SIRT7: variants seen among roughly 807,000 people sequenced by gnomAD.
SIRT7 encodes the protein sirtuin 7, also known as NAD-dependent protein deacetylase sirtuin-7.
Under a neutral mutation model 42.8 loss-of-function variants are expected in SIRT7, and 32 were observed. The observed-to-expected ratio is 0.75, with a 90% CI of 0.56 to 1.00. The LOEUF (loss-of-function observed/expected upper bound fraction) is 1.00, where lower values mean the gene tolerates loss of function less well. Among genes scored for constraint, SIRT7 ranks in the 50% least tolerant of loss-of-function variants. The pLI is 0.00. For missense variants in SIRT7, 553 were observed against 572.2 expected (o/e 0.97, Z 0.34); for synonymous variants, 297 against 245.2 (o/e 1.21, Z -1.97).
chr17:81,912,225 G>C lies in SIRT7; in HGVS notation c.*191C>G. 1.5e-6 allele frequency: 1 copy of C among 675,346 alleles called. No individual in the cohort carries two copies. Among genetic ancestry groups the C allele is most frequent in the Non-Finnish European group, 2.5e-6 (1 of 398,534 alleles). 41.8% of individuals were successfully genotyped at this position (675,346 alleles called of 1,614,324 possible). ...AGAGGCCGGATGGGCAGGTGTCCTC[G>C]ATGGCCAGGCCGTATCAGGGTACAA... On this transcript the variant is annotated 3_prime_UTR_variant, in exon 10 of 10. Transcript: ENST00000328666.
rs779247678 is a variant in SIRT7, at chr17:81,914,402, A to C, written c.708T>G (p.Ile236Met). The C allele has an allele frequency of 6.2e-7, 1 of 1,613,136 alleles. No homozygotes were observed. The highest frequency in any genetic ancestry group is 8.5e-7 in the Non-Finnish European group (1 of 1,179,990). The stretch of plus-strand genomic sequence containing the variant: ...ACGTCCCCCTCTCCCCAAAGTGCAC[A>C]ATGGTGTCCCGCAGCTGGGTCCCAC... ...HKCGTQLRDT[I>M]VHFGERGTLG... The change falls in exon 7 of 10, where the codon ATT (isoleucine) becomes ATG (methionine). Residue 236 changes from isoleucine to methionine, a missense_variant. By Grantham distance (10) the Ile-to-Met change is conservative. Coordinates refer to ENST00000328666, the MANE Select transcript of SIRT7 (RefSeq NM_016538.3).
In SIRT7 at chr17:81,918,083, C is replaced by G. The variant is rs747829799; in HGVS notation, c.49G>C (p.Val17Leu). 9 of 1,550,810 alleles carry G rather than the reference C, an allele frequency of 5.8e-6. No homozygotes were observed. The African/African-American group carries it at 8.5e-5, about 15-fold the overall frequency. The change falls in exon 1 of 10, where the codon GTC (valine) becomes CTC (leucine). Residue 17 changes from valine (V) to leucine (L), a missense_variant. By Grantham distance (32) the Val-to-Leu change is conservative. Coordinates refer to ENST00000328666, the MANE Select transcript of SIRT7 (RefSeq NM_016538.3). ...TGCTGCTCCTCCCGCAACCTCCGGA[C>G]CCGCTCCGCCGCTTTGCGCTCGGAG... Reference protein sequence around the residue: ...SRSERKAAERVRRLREEQQRE... With the variant: ...SRSERKAAERLRRLREEQQRE...
chr17:81,912,411 C>A lies in SIRT7; in HGVS notation c.*5G>T, dbSNP rs370911311. ...AGTGCCAACTGTTCTTCATCGAGCA[C>A]GTGATTACGTCACTTTCTTCCTTTT... On this transcript the variant is annotated 3_prime_UTR_variant, in exon 10 of 10. Coordinates refer to ENST00000328666, the MANE Select transcript of SIRT7 (RefSeq NM_016538.3). 6 of 1,614,116 alleles carry A rather than the reference C, an allele frequency of 3.7e-6. No homozygotes were observed. In the East Asian group the frequency reaches 1.3e-4, roughly 36 times the overall value.
chr17:81,914,860 A>G (rs2040764257), intron 5 of SIRT7, 158 bp from the exon 6 acceptor site: 6 of 623,962 alleles, frequency 9.6e-6, no homozygotes, highest in Non-Finnish European at 1.4e-5. Context: ...TAAAACACAC[A>G]ACAGGTCCAA....
chr17:81,917,857 G>C lies in SIRT7; in HGVS notation c.204C>G (p.Arg68=). Residue 68 remains arginine (R), a synonymous_variant, in exon 2 of 10, where the codon CGC becomes CGG. Transcript: ENST00000328666. ...VTELQGRSRR[R]EGLKRRQEEV... The stretch of plus-strand genomic sequence containing the variant: ...CCTCCTGCCGCCGCTTCAGGCCCTC[G>C]CGCCGCCGGCTCCGGCCCTGCAGCT... 1 of 1,437,500 alleles carries C rather than the reference G, an allele frequency of 7.0e-7. No individual in the cohort carries two copies. Among genetic ancestry groups the C allele is most frequent in the Non-Finnish European group, 9.1e-7 (1 of 1,099,200 alleles). 89.0% of individuals were successfully genotyped at this position (1,437,500 alleles called of 1,614,324 possible).
intron 5 of SIRT7, 72 bp from the exon 6 acceptor site, chr17:81,914,774 A>G: frequency 7.7e-7 from 1 of 1,299,010 alleles, no homozygotes; most frequent in East Asian, 2.3e-5. Context: ...ACCCGGCCAC[A>G]GCGAGGCTGT....
chr17:81,914,462 G>A lies in SIRT7; in HGVS notation c.648C>T (p.Leu216=), dbSNP rs1376303224. 1 of 1,613,110 alleles carries A rather than the reference G, an allele frequency of 6.2e-7. No homozygotes were observed. Among genetic ancestry groups the A allele is most frequent in the Admixed American group, 1.7e-5 (1 of 60,012 alleles). Residue 216 remains leucine, a synonymous_variant, in exon 7 of 10, where the codon CTC becomes CTT. Coordinates refer to ENST00000328666, the MANE Select transcript of SIRT7 (RefSeq NM_016538.3). The part of the protein sequence containing the change: ...RVFDVTERTA[L]HRHQTGRTCH... ...AGGTCCGGCCTGTCTGGTGTCTGTGGAGGGCAGTGCGCTCCGTCACATCGA... is the reference window on the plus strand; with the variant it reads ...AGGTCCGGCCTGTCTGGTGTCTGTGAAGGGCAGTGCGCTCCGTCACATCGA...
Position 81,912,513 on chromosome 17 carries a change from G to C in SIRT7, c.1106C>G (p.Pro369Arg). 1.2e-6 allele frequency: 2 copies of C among 1,613,878 alleles called. No homozygotes were observed. The highest frequency in any genetic ancestry group is 1.1e-5 in the South Asian group (1 of 91,090). Reference sequence around the variant, plus strand: ...GCTAAGCGGTGCACCCCGGTCCCCAGGCGGGGCCTCCTCTCTGCTTCTGCA... The same window carrying C: ...GCTAAGCGGTGCACCCCGGTCCCCACGCGGGGCCTCCTCTCTGCTTCTGCA... ...SLCRSREEAP[P>R]GDRGAPLSSA... Residue 369 changes from proline to arginine, a missense_variant, in exon 10 of 10, where the codon CCT becomes CGT. Pro to Arg is a moderately radical substitution (Grantham distance 103). Transcript: ENST00000328666.
At position 81,914,418 on chromosome 17, in the gene SIRT7, T is replaced by C. The variant is rs747459061; in HGVS notation, c.692A>G (p.Gln231Arg). 1 of 1,613,404 alleles carries C rather than the reference T, an allele frequency of 6.2e-7. No individual in the cohort carries two copies. The highest frequency in any genetic ancestry group is 8.5e-7 in the Non-Finnish European group (1 of 1,180,026). ...AAAGTGCACAATGGTGTCCCGCAGC[T>C]GGGTCCCACACTTGTGGCAGGTCCG... is the stretch of plus-strand genomic sequence containing the variant. ...TGRTCHKCGTQLRDTIVHFGE... is the reference protein window; with the variant it reads ...TGRTCHKCGTRLRDTIVHFGE... The change falls in exon 7 of 10, where the codon CAG becomes CGG. Residue 231 changes from glutamine (Q) to arginine (R), a missense_variant. By Grantham distance (43) the Gln-to-Arg change is conservative. Transcript: ENST00000328666.
rs951715118 is a variant in SIRT7, at chr17:81,913,787, G to T, written c.991C>A (p.Pro331Thr). 1 of 1,548,732 alleles carries T rather than the reference G, an allele frequency of 6.5e-7. No individual in the cohort carries two copies. Among genetic ancestry groups the T allele is most frequent in the Non-Finnish European group, 8.7e-7 (1 of 1,146,954 alleles). ...CGGCTCACTCACCTGCTATAGGCGGGGATCTCCAAGCCCAGCTCGGCCATG... is the reference window on the plus strand; with the variant it reads ...CGGCTCACTCACCTGCTATAGGCGGTGATCTCCAAGCCCAGCTCGGCCATG... ...LLMAELGLEI[P>T]AYSRWQDPIF... Residue 331 changes from proline (P) to threonine (T), a missense_variant, in exon 9 of 10, where the codon CCC becomes ACC. Pro to Thr is a conservative substitution (Grantham distance 38). Coordinates refer to ENST00000328666, the MANE Select transcript of SIRT7 (RefSeq NM_016538.3). This position sits in a 1 kb window ranked among gnomAD's most constrained non-coding sequence, Gnocchi z 5.0.
chr17:81,914,135 C>A lies in SIRT7; in HGVS notation c.849G>T (p.Met283Ile). 6.2e-7 allele frequency: 1 copy of A among 1,613,636 alleles called. No homozygotes were observed. The highest frequency in any genetic ancestry group is 1.1e-5 in the South Asian group (1 of 91,074). The stretch of plus-strand genomic sequence containing the variant: ...TCGGCCGCCGGCTAGGGGGCTTGGT[C>A]ATGCACCAGAGGCGTGGGTACTTCT... ...VLKKYPRLWCMTKPPSRRPKL... is the reference protein window; with the variant it reads ...VLKKYPRLWCITKPPSRRPKL... The change falls in exon 8 of 10, where the codon ATG (methionine) becomes ATT (isoleucine). Residue 283 changes from methionine (M) to isoleucine (I), a missense_variant. By Grantham distance (10) the Met-to-Ile change is conservative. Transcript: ENST00000328666.
Position 81,917,975 on chromosome 17 carries a change from C to CA in SIRT7, c.94-9dup. 1 of 1,338,246 alleles carries CA rather than the reference C, an allele frequency of 7.5e-7. No individual in the cohort carries two copies. Among genetic ancestry groups the CA allele is most frequent in the South Asian group, 2.0e-5 (1 of 49,938 alleles). 82.9% of individuals were successfully genotyped at this position (1,338,246 alleles called of 1,614,324 possible). On this transcript the variant is annotated splice_polypyrimidine_tract_variant and intron_variant, in intron 1 of 9. Transcript: ENST00000328666. Reference sequence around the variant, plus strand: ...CCTCAGGATGCGCGACACCTGCGGGCAGGCGGACGGTGAGCGGCGGCGCGG... The same window carrying CA: ...CCTCAGGATGCGCGACACCTGCGGGCAAGGCGGACGGTGAGCGGCGGCGCGG...
rs1196401547 is a variant in SIRT7, at chr17:81,915,512, A to C, written c.408T>G (p.Ser136Arg). The C allele has an allele frequency of 1.2e-6, 2 of 1,613,632 alleles. No homozygotes were observed. The highest frequency in any genetic ancestry group is 2.2e-5 in the South Asian group (2 of 91,018). ...WTLLQKGRSV[S>R]AADLSEAEPT... ...GCTCGGCCTCGCTCAGGTCGGCAGC[A>C]CTGCCAGGCAGAAAGGAAGGCAAGG... The change falls in exon 5 of 10, where the codon AGT becomes AGG. Residue 136 changes from serine (S) to arginine (R), a missense_variant and splice_region_variant. Transcript: ENST00000328666.
chr17:81,915,005 G>T, intron 5 of SIRT7: 1 of 511,816 alleles, frequency 2.0e-6, no homozygotes, highest in Non-Finnish European at 3.6e-6. Flanking sequence ...TTTGGCAAGG[G>T]CCACTCTGCC....
chr17:81,914,371 G>T lies in SIRT7; in HGVS notation c.739C>A (p.Gln247Lys), dbSNP rs1375547589. The change falls in exon 7 of 10, where the codon CAG becomes AAG. Residue 247 changes from glutamine (Q) to lysine (K), a missense_variant. Physicochemically the swap from Gln to Lys is moderately conservative, Grantham distance 53. Transcript: ENST00000328666. Reference sequence around the variant, plus strand: ...GTCGCCGCTTCCCAGTTCAAAGGCTGCCCCAACGTCCCCCTCTCCCCAAAG... The same window carrying T: ...GTCGCCGCTTCCCAGTTCAAAGGCTTCCCCAACGTCCCCCTCTCCCCAAAG... ...VHFGERGTLG[Q>K]PLNWEAATEA... is the part of the protein sequence containing the mutation. 1.2e-6 allele frequency: 2 copies of T among 1,613,006 alleles called. No homozygotes were observed.
rs918887958 is a variant in SIRT7, at chr17:81,915,778, A to G, written c.337-97T>C. On this transcript the variant is annotated intron_variant, in intron 3 of 9. Coordinates refer to ENST00000328666, the MANE Select transcript of SIRT7 (RefSeq NM_016538.3). ...GGAAAGCCACTGTCACTCCTGCCGCATTCCGGGCTGGCCTGCATGTTGGCC... is the reference window on the plus strand; with the variant it reads ...GGAAAGCCACTGTCACTCCTGCCGCGTTCCGGGCTGGCCTGCATGTTGGCC... 4 of 1,363,302 alleles carry G rather than the reference A, an allele frequency of 2.9e-6. No homozygotes were observed. The African/African-American group carries it at 5.8e-5, about 20-fold the overall frequency. 84.5% of individuals were successfully genotyped at this position (1,363,302 alleles called of 1,614,324 possible). A position where few individuals can be genotyped will look rare whatever the true frequency, so the allele number is the denominator to read the frequency against.
Position 81,913,791 on chromosome 17 carries a change from C to T in SIRT7, c.987G>A (p.Glu329=). ...TCACTCACCTGCTATAGGCGGGGAT[C>T]TCCAAGCCCAGCTCGGCCATGAGGA... ...MRLLMAELGL[E]IPAYSRWQDP... The change falls in exon 9 of 10, where the codon GAG becomes GAA. Residue 329 remains glutamate (E), a synonymous_variant. Coordinates refer to ENST00000328666, the MANE Select transcript of SIRT7 (RefSeq NM_016538.3). This position sits in a 1 kb window ranked among gnomAD's most constrained non-coding sequence, Gnocchi z 5.0. 1.3e-6 allele frequency: 2 copies of T among 1,548,744 alleles called. No homozygotes were observed. The highest frequency in any genetic ancestry group is 1.7e-6 in the Non-Finnish European group (2 of 1,146,982).
Position 81,917,840 on chromosome 17 carries a change from C to T in SIRT7, c.221G>A (p.Arg74Gln). 7.0e-7 allele frequency: 1 copy of T among 1,438,002 alleles called. No individual in the cohort carries two copies. Among genetic ancestry groups the T allele is most frequent in the Non-Finnish European group, 9.1e-7 (1 of 1,100,702 alleles). 89.1% of individuals were successfully genotyped at this position (1,438,002 alleles called of 1,614,324 possible). Reference sequence around the variant, plus strand: ...GCACGCGGAACTCGCCTCCTCCTGCCGCCGCTTCAGGCCCTCGCGCCGCCG... The same window carrying T: ...GCACGCGGAACTCGCCTCCTCCTGCTGCCGCTTCAGGCCCTCGCGCCGCCG... Reference protein sequence around the residue: ...RSRRREGLKRRQEEVCDDPEE... With the variant: ...RSRRREGLKRQQEEVCDDPEE... Residue 74 changes from arginine (R) to glutamine (Q), a missense_variant, in exon 2 of 10, where the codon CGG becomes CAG. Coordinates refer to ENST00000328666, the MANE Select transcript of SIRT7 (RefSeq NM_016538.3).
chr17:81,912,208 G>A lies in SIRT7; in HGVS notation c.*208C>T. ...CTGCCACCTCTTGACACAGAGGCCG[G>A]ATGGGCAGGTGTCCTCGATGGCCAG... On this transcript the variant is annotated 3_prime_UTR_variant, in exon 10 of 10. Transcript: ENST00000328666. The A allele has an allele frequency of 1.6e-6, 1 of 623,912 alleles. No homozygotes were observed. The highest frequency in any genetic ancestry group is 1.9e-5 in the South Asian group (1 of 52,808). The allele number at this position is 623,912 out of a possible 1,614,324, so 38.6% of individuals were successfully genotyped here. A position where few individuals can be genotyped will look rare whatever the true frequency, so the allele number is the denominator to read the frequency against.
Sources: allele counts gnomAD v4.1 joint callset, GRCh38; gene constraint gnomAD v4.1.1; non-coding constraint Gnocchi (gnomAD v3.1); transcripts MANE v1.5; gene names NCBI Gene and HGNC (gene_info 2026-07-23, HGNC 2026-07-21).